The following WWOX variants were observed in gnomAD, a reference collection of about 807,000 sequenced individuals.
The protein encoded by WWOX is WW domain containing oxidoreductase.
Under a neutral mutation model 46.2 loss-of-function variants are expected in WWOX, and 69 were observed. That is an observed-to-expected ratio of 1.49 (90% CI 1.23 to 1.82). The LOEUF is 1.82. WWOX is among the 40% of genes most tolerant of loss of function. The pLI, the probability that WWOX is intolerant of heterozygous loss-of-function variation, is 0.00. For synonymous variants in WWOX, 359 were observed against 202.6 expected (o/e 1.77, Z -6.56); for missense variants, 919 against 542.6 (o/e 1.69, Z -6.89).
chr16:78,812,628 A>T lies in WWOX; in HGVS notation c.1056+379876A>T, dbSNP rs190408587. 7.2e-5 allele frequency among the ~76,000 whole-genome samples: 11 copies of T among 152,110 alleles called. No homozygotes were observed. In the East Asian group the frequency reaches 2.1e-3, roughly 30 times the overall value. ...GTAATCCCAGCTGCTCGGGAGGCTGACGCGCGAGAATCACTTGAACCCAGG... is the reference window on the plus strand; with the variant it reads ...GTAATCCCAGCTGCTCGGGAGGCTGTCGCGCGAGAATCACTTGAACCCAGG... On this transcript the variant is annotated intron_variant, in intron 8 of 8. Transcript: ENST00000566780.
chr16:78,785,114 A>T (rs577636992), intron 8 of WWOX, among the ~76,000 whole-genome samples: 1 of 152,364 alleles, frequency 6.6e-6, no homozygotes, highest in East Asian at 1.9e-4. Flanking sequence ...ATCCATAAAA[A>T]TAATTCAATA....
At chr16:78,937,691 C>G (rs967500495) in intron 8 of WWOX, among the ~76,000 whole-genome samples, 4 of 151,648 alleles carry the variant, frequency 2.6e-5, no homozygotes, top group Non-Finnish European at 4.4e-5. Flanking sequence ...GTGGCATGAC[C>G]TCGGCTTACT....
chr16:78,812,462 CT>C lies in WWOX; in HGVS notation c.1056+379711del, dbSNP rs143799861. On this transcript the variant is annotated intron_variant, in intron 8 of 8. Transcript: ENST00000566780. Reference sequence around the variant, plus strand: ...TCTGACTGGGCATGGTGGCTCCTGCCTGTAATCCTGACACTTTGGGAGGCCG... The same window carrying C: ...TCTGACTGGGCATGGTGGCTCCTGCCGTAATCCTGACACTTTGGGAGGCCG... Among the ~76,000 whole-genome samples, 811 of 152,238 alleles carry C rather than the reference CT, an allele frequency of 5.3e-3. 8 individuals carry two copies. Among genetic ancestry groups the C allele is most frequent in the African/African-American group, 0.019 (784 of 41,542 alleles).
chr16:78,690,372 G>C (rs1214095473), intron 8 of WWOX, among the ~76,000 whole-genome samples: 2 of 152,076 alleles, frequency 1.3e-5, no homozygotes, highest in Non-Finnish European at 2.9e-5. Flanking sequence ...GCAGCACAGT[G>C]AGACCCCGTA....
chr16:78,533,706 G>T (rs77546871), intron 8 of WWOX, among the ~76,000 whole-genome samples: 11 of 152,166 alleles, frequency 7.2e-5, no homozygotes, highest in Non-Finnish European at 1.3e-4. Context: ...ACCTCGATTT[G>T]TGCTCCAGGT....
intron 5 of WWOX, chr16:78,167,888 G>C (rs772520867): frequency 6.6e-6 from 1 of 152,014 alleles, no homozygotes; most frequent in Non-Finnish European, 1.5e-5. Flanking sequence ...ACATCTCTGC[G>C]CAAGGATTTC....
At chr16:78,305,569 C>T (rs115266697) in intron 5 of WWOX, among the ~76,000 whole-genome samples, 4 of 152,030 alleles carry the variant, frequency 2.6e-5, no homozygotes, top group Admixed American at 6.5e-5. Flanking sequence ...AGACCATTCC[C>T]GTTCCAGTCA....
chr16:78,841,154 ACACAACGTG>A (rs1238559438), intron 8 of WWOX, among the ~76,000 whole-genome samples: 3 of 152,188 alleles, frequency 2.0e-5, no homozygotes, highest in African/African-American at 7.2e-5. Context: ...TTATACAGAT[ACACAACGTG>A]CACTGGGTCT....
At position 78,388,602 on chromosome 16, in the gene WWOX, G is replaced by A. The variant is rs181175730; in HGVS notation, c.605+1654G>A. On this transcript the variant is annotated intron_variant, in intron 6 of 8. Coordinates refer to ENST00000566780, the MANE Select transcript of WWOX (RefSeq NM_016373.4). Reference sequence around the variant, plus strand: ...GCAGAGGTTGCAGTGAGCCAAGATGGCACCACTGCACTCCAGCCTGGCGAC... The same window carrying A: ...GCAGAGGTTGCAGTGAGCCAAGATGACACCACTGCACTCCAGCCTGGCGAC... Among the ~76,000 whole-genome samples, 748 of 123,886 alleles carry A rather than the reference G, an allele frequency of 6.0e-3. 6 individuals are homozygous for A. The highest frequency in any genetic ancestry group is 4.9e-3 in the Non-Finnish European group (310 of 63,628). 81.3% of individuals were successfully genotyped at this position (123,886 alleles called of 152,430 possible). A position where few individuals can be genotyped will look rare whatever the true frequency, so the allele number is the denominator to read the frequency against.
At chr16:78,180,146 A>G (rs958012685) in intron 5 of WWOX, among the ~76,000 whole-genome samples, 2 of 152,156 alleles carry the variant, frequency 1.3e-5, no homozygotes, top group African/African-American at 4.8e-5. Flanking sequence ...TTTACAGTCT[A>G]TTATGTTAAA....
intron 8 of WWOX, among the ~76,000 whole-genome samples, chr16:79,085,704 C>T (rs931603873): frequency 1.3e-5 from 2 of 152,036 alleles, no homozygotes; most frequent in East Asian, 3.9e-4. Flanking sequence ...TATTCCTTAC[C>T]AAAACCAGTT....
At chr16:78,920,013 A>C (rs1251793438) in intron 8 of WWOX, among the ~76,000 whole-genome samples, 1 of 152,038 alleles carries the variant, frequency 6.6e-6, no homozygotes, top group African/African-American at 2.4e-5. Flanking sequence ...GGAAGCACTG[A>C]GGGTCATTGT....
intron 8 of WWOX, among the ~76,000 whole-genome samples, chr16:78,867,375 C>T (rs1376062257): frequency 6.6e-6 from 1 of 152,090 alleles, no homozygotes; most frequent in Non-Finnish European, 1.5e-5. Context: ...GGAACTTAGG[C>T]ACAATCTTTT....
At chr16:78,424,723 G>A (rs1251551475) in intron 6 of WWOX, 147 bp from the exon 7 acceptor site, 7 of 949,604 alleles carry the variant, frequency 7.4e-6, no homozygotes, top group African/African-American at 3.2e-5. Context: ...TCTAGAAGAC[G>A]GAGAAAGAAT....
intron 8 of WWOX, among the ~76,000 whole-genome samples, chr16:79,129,500 A>G (rs568385239): frequency 4.0e-4 from 60 of 151,650 alleles, no homozygotes; most frequent in African/African-American, 1.4e-3. Context: ...AGCTACATAC[A>G]TTAGGTTTAA....
rs78541418 is a variant in WWOX at position 79,115,313 on chromosome 16, C to T, written c.1057-96295C>T. 4.0e-3 allele frequency among the ~76,000 whole-genome samples: 611 copies of T among 152,284 alleles called. 5 individuals are homozygous for T. The highest frequency in any genetic ancestry group is 0.014 in the African/African-American group (571 of 41,548). ...GTGAAAAAGAAACTTTCAATGTATA[C>T]TTCATCTCATTCCAACAAGAATTGG... On this transcript the variant is annotated intron_variant, in intron 8 of 8. Transcript: ENST00000566780.
intron 8 of WWOX, among the ~76,000 whole-genome samples, chr16:78,921,672 G>A (rs2045383021): frequency 6.6e-6 from 1 of 152,152 alleles, no homozygotes; most frequent in Non-Finnish European, 1.5e-5. Flanking sequence ...ATGGGTTCCT[G>A]GCAACTCCTT....
chr16:78,699,717 T>C (rs1049052670), intron 8 of WWOX, among the ~76,000 whole-genome samples: 1 of 152,226 alleles, frequency 6.6e-6, no homozygotes, highest in African/African-American at 2.4e-5. Flanking sequence ...TACCAGATGG[T>C]ACCTCACTTA....
At chr16:78,979,065 C>A (rs891005953) in intron 8 of WWOX, among the ~76,000 whole-genome samples, 1 of 149,624 alleles carries the variant, frequency 6.7e-6, no homozygotes, top group African/African-American at 2.5e-5. Flanking sequence ...CCTTCGTCCT[C>A]CCTGCTCAGA....
Sources: allele counts gnomAD v4.1 joint callset (sites outside exome capture counted in the v4.1 genomes callset), GRCh38; gene constraint gnomAD v4.1.1; transcripts MANE v1.5; gene names NCBI Gene and HGNC (gene_info 2026-07-23, HGNC 2026-07-21).